Variants in REPS2 observed in about 807,000 individuals in gnomAD.
The protein encoded by REPS2 is ralBP1-associated Eps domain-containing protein 2.
Under a neutral mutation model 53.6 loss-of-function variants are expected in REPS2, and 23 were observed. The ratio of observed to expected loss-of-function variants is 0.43; its 90% CI spans 0.31 to 0.61. The LOEUF (loss-of-function observed/expected upper bound fraction) is 0.61. Ranked by LOEUF, REPS2 falls within the 20% of genes least tolerant of loss-of-function variation. The pLI, the probability that REPS2 is intolerant of heterozygous loss-of-function variation, is 0.11. For missense variants in REPS2, 446 were observed against 534.9 expected, an observed-to-expected ratio of 0.83 and a Z score of 1.64; for synonymous variants, 238 against 218.6, an observed-to-expected ratio of 1.09 and a Z score of -0.78.
At chrX:17,124,856 CTT>C (rs1175675334) in intron 14 of REPS2, among the ~76,000 whole-genome samples, 6 of 91,013 alleles carry the variant, frequency 6.6e-5, no homozygotes, top group East Asian at 3.4e-4. Context: ...AGATGGACTT[CTT>C]TTTTTTTTTT....
intron 9 of REPS2, among the ~76,000 whole-genome samples, chrX:17,067,511 A>T (rs1242908197): frequency 3.6e-5 from 4 of 112,213 alleles, no homozygotes; most frequent in East Asian, 2.8e-4. Flanking sequence ...TAAATTGAGA[A>T]TTTACAAGAA....
intron 14 of REPS2, 130 bp downstream of exon 14, chrX:17,103,909 G>A: frequency 1.7e-6 from 1 of 589,036 alleles, no homozygotes; most frequent in Non-Finnish European, 2.8e-6. Context: ...CCTGTGAAGA[G>A]AGCAGAGAGT....
At chrX:17,059,719 G>A (rs932936361) in intron 8 of REPS2, among the ~76,000 whole-genome samples, 2 of 110,716 alleles carry the variant, frequency 1.8e-5, no homozygotes, top group African/African-American at 6.6e-5. Context: ...CACCCACCTC[G>A]GCCTCCCAAA....
chrX:16,966,137 G>A (rs1171920751), intron 1 of REPS2, among the ~76,000 whole-genome samples: 1 of 111,710 alleles, frequency 9.0e-6, no homozygotes, highest in Non-Finnish European at 1.9e-5. Context: ...GAGAGGGAGA[G>A]GGCTGGGCAA....
chrX:17,135,423 A>C lies in REPS2; in HGVS notation c.1808+17A>C. ...AGTCCAAAAGTAAGTAGACCACATAAACAAGAGTGAGGTAGGAATCTCGCT... is the reference window on the plus strand; with the variant it reads ...AGTCCAAAAGTAAGTAGACCACATACACAAGAGTGAGGTAGGAATCTCGCT... On this transcript the variant is annotated intron_variant, in intron 16 of 17. Transcript: ENST00000357277. 8.4e-7 allele frequency: 1 copy of C among 1,195,957 alleles called. No individual in the cohort carries two copies. Among genetic ancestry groups the C allele is most frequent in the East Asian group, 3.0e-5 (1 of 33,384 alleles).
intron 16 of REPS2, chrX:17,138,577 T>A (rs2063404050): frequency 4.9e-6 from 1 of 203,144 alleles, no homozygotes; most frequent in African/African-American, 2.9e-5. Flanking sequence ...TTAAAATGTC[T>A]TGGAATAAAT....
intron 14 of REPS2, among the ~76,000 whole-genome samples, chrX:17,111,864 A>T (rs2062976043): frequency 8.9e-6 from 1 of 112,108 alleles, no homozygotes; most frequent in Admixed American, 9.5e-5. Flanking sequence ...TGTAATATAG[A>T]TAAAACTTCA....
At chrX:17,039,134 G>A (rs902708985) in intron 5 of REPS2, among the ~76,000 whole-genome samples, 2 of 111,732 alleles carry the variant, frequency 1.8e-5, no homozygotes, top group Non-Finnish European at 3.8e-5. Flanking sequence ...GAACGTCATC[G>A]CTTCGTTAAT....
chrX:17,184,478 A>G, the REPS2 span, among the ~76,000 whole-genome samples: 157 of 104,392 alleles, frequency 1.5e-3, no homozygotes, highest in African/African-American at 5.3e-3. Context: ...GAATAGTGCC[A>G]CAATAAACAT....
rs1376905492 is a variant in REPS2 at position 17,103,415 on chromosome X, C to T, written c.1517-303C>T. Reference sequence around the variant, plus strand: ...CCCTAGATTGTTTGAAACGAAATAACATTAGAATAATGAGGAATTGACCAC... The same window carrying T: ...CCCTAGATTGTTTGAAACGAAATAATATTAGAATAATGAGGAATTGACCAC... On this transcript the variant is annotated intron_variant, in intron 13 of 17. Coordinates refer to ENST00000357277, the MANE Select transcript of REPS2 (RefSeq NM_004726.3). 2.7e-5 allele frequency among the ~76,000 whole-genome samples: 3 copies of T among 111,809 alleles called. No individual in the cohort carries two copies. In the East Asian group the frequency reaches 8.4e-4, roughly 31 times the overall value.
chrX:17,163,035 C>T, the REPS2 span, among the ~76,000 whole-genome samples: 1 of 111,701 alleles, frequency 9.0e-6, no homozygotes, highest in South Asian at 3.7e-4. Flanking sequence ...TTGAGGAGGC[C>T]CAGATCTTGG....
rs527419072 is a variant in REPS2 at position 16,991,828 on chromosome X, A to G, written c.274-14393A>G. Reference sequence around the variant, plus strand: ...ATGAAGATGAAGATAGAAGCAATGTATCTACAAGCCAGGGACCGCCTGCGG... The same window carrying G: ...ATGAAGATGAAGATAGAAGCAATGTGTCTACAAGCCAGGGACCGCCTGCGG... On this transcript the variant is annotated intron_variant, in intron 1 of 17. Coordinates refer to ENST00000357277, the MANE Select transcript of REPS2 (RefSeq NM_004726.3). 1.3e-4 allele frequency among the ~76,000 whole-genome samples: 15 copies of G among 111,683 alleles called. No homozygotes were observed. In the South Asian group the frequency reaches 5.3e-3, roughly 40 times the overall value.
chrX:17,111,822 C>G (rs1288078434), intron 14 of REPS2, among the ~76,000 whole-genome samples: 1 of 111,723 alleles, frequency 9.0e-6, no homozygotes, highest in Non-Finnish European at 1.9e-5. Flanking sequence ...ATGTCTGATT[C>G]TATTTTGTAT....
the REPS2 span, among the ~76,000 whole-genome samples, chrX:17,188,239 T>C: frequency 8.9e-6 from 1 of 112,808 alleles, no homozygotes; most frequent in East Asian, 2.8e-4. Flanking sequence ...ATAGAAATTT[T>C]CATGATTACT....
intron 2 of REPS2, among the ~76,000 whole-genome samples, chrX:17,014,280 G>T (rs956593417): frequency 1.8e-5 from 2 of 111,535 alleles, no homozygotes; most frequent in Non-Finnish European, 3.8e-5. Context: ...CTTGCTAGCA[G>T]CAGAGCCCAG....
At chrX:16,977,716 T>TAA (rs67498814) in intron 1 of REPS2, among the ~76,000 whole-genome samples, 1 of 78,252 alleles carries the variant, frequency 1.3e-5, no homozygotes. Context: ...ACCCTGTCTC[T>TAA]AAAAAAAAAA....
At chrX:17,046,071 C>A (rs888530107) in intron 5 of REPS2, among the ~76,000 whole-genome samples, 1 of 110,280 alleles carries the variant, frequency 9.1e-6, no homozygotes, top group East Asian at 2.8e-4. Context: ...AAGCAGGCAC[C>A]TTGATGGCTC....
intron 1 of REPS2, among the ~76,000 whole-genome samples, chrX:16,991,435 A>G (rs1191688312): frequency 8.9e-6 from 1 of 111,944 alleles, no homozygotes; most frequent in Non-Finnish European, 1.9e-5. Context: ...AAGCCACAAG[A>G]TAAGTGGAGC....
chrX:16,957,841 G>C (rs1397190775), intron 1 of REPS2, among the ~76,000 whole-genome samples: 2 of 111,652 alleles, frequency 1.8e-5, no homozygotes, highest in Admixed American at 1.9e-4. Context: ...GTGCATTGTA[G>C]GTTGTCAAGT....
Sources: allele counts gnomAD v4.1 joint callset (sites outside exome capture counted in the v4.1 genomes callset), GRCh38; gene constraint gnomAD v4.1.1; transcripts MANE v1.5; gene names NCBI Gene and HGNC (gene_info 2026-07-23, HGNC 2026-07-21).